GLTP: variants seen among roughly 807,000 people sequenced by gnomAD.
GLTP encodes glycolipid transfer protein.
GLTP carries 22 observed loss-of-function variants against 24.0 expected under a neutral mutation model. The ratio of observed to expected loss-of-function variants is 0.92; its 90% CI spans 0.65 to 1.31. The LOEUF is 1.31. Among genes scored for constraint, GLTP ranks in the 50% most tolerant of loss-of-function variants. GLTP has a pLI of 0.00. For missense variants in GLTP, 224 were observed against 276.6 expected, an observed-to-expected ratio of 0.81 and a Z score of 1.35; for synonymous variants, 92 against 115.9, an observed-to-expected ratio of 0.79 and a Z score of 1.33.
chr12:109,857,117 G>A lies in GLTP; in HGVS notation c.296+409C>T, dbSNP rs920201038. ...TAACATACAAATCCACTTTGTACGC[G>A]TGACCAGCCCTAAACAGGACACCTT... On this transcript the variant is annotated intron_variant, in intron 3 of 4. Transcript: ENST00000318348. The surrounding 1 kb of genome is among the most constrained non-coding windows in gnomAD (Gnocchi z 4.3). Among the ~76,000 whole-genome samples, 13 of 152,188 alleles carry A rather than the reference G, an allele frequency of 8.5e-5. No individual in the cohort carries two copies. Among genetic ancestry groups the A allele is most frequent in the African/African-American group, 2.2e-4 (9 of 41,446 alleles).
At chr12:109,874,563 A>G (rs531496425) in intron 1 of GLTP, among the ~76,000 whole-genome samples, 1 of 152,264 alleles carries the variant, frequency 6.6e-6, no homozygotes, top group Admixed American at 6.5e-5. Context: ...GACTCTCCCT[A>G]AACAGTGAGA....
chr12:109,869,324 AGAAAGAAAG>A (rs1868644914), intron 1 of GLTP, among the ~76,000 whole-genome samples: 1 of 148,732 alleles, frequency 6.7e-6, no homozygotes, highest in African/African-American at 2.5e-5. Flanking sequence ...AAAAAAAGAA[AGAAAGAAAG>A]AAAGAAAGAG....
At chr12:109,877,165 T>C (rs1353508554) in intron 1 of GLTP, among the ~76,000 whole-genome samples, 1 of 152,152 alleles carries the variant, frequency 6.6e-6, no homozygotes, top group African/African-American at 2.4e-5. Flanking sequence ...TACTTTTTTT[T>C]CCCCAAAAAG....
chr12:109,858,713 G>A lies in GLTP; in HGVS notation c.132C>T (p.Pro44=), dbSNP rs1447711911. 1.2e-6 allele frequency: 2 copies of A among 1,612,424 alleles called. No individual in the cohort carries two copies. The highest frequency in any genetic ancestry group is 4.5e-5 in the East Asian group (2 of 44,868). Residue 44 remains proline, a synonymous_variant, in exon 2 of 5, where the codon CCC becomes CCT. Coordinates refer to ENST00000318348, the MANE Select transcript of GLTP (RefSeq NM_016433.4). ...TGTTGCCGCTTATGTCTGCCTTGAT[G>A]GGAGTAAACACTGGGGACCCAAGGC... ...FDCLGSPVFT[P]IKADISGNIT...
At chr12:109,854,342 A>G (rs1327010440) in intron 4 of GLTP, among the ~76,000 whole-genome samples, 2 of 142,396 alleles carry the variant, frequency 1.4e-5, no homozygotes, top group East Asian at 4.0e-4. Context: ...CCTGGGCGAC[A>G]GCGACAGAGT....
Position 109,855,461 on chromosome 12 carries a change from C to G in GLTP, c.447+158G>C, listed in dbSNP as rs1257886560. 6.6e-6 allele frequency among the ~76,000 whole-genome samples: 1 copy of G among 152,122 alleles called. No individual in the cohort carries two copies. The highest frequency in any genetic ancestry group is 1.5e-5 in the Non-Finnish European group (1 of 68,016). On this transcript the variant is annotated intron_variant, in intron 4 of 4. Transcript: ENST00000318348. This position sits in a 1 kb window ranked among gnomAD's most constrained non-coding sequence, Gnocchi z 4.1. ...CCAAGGGCACGGGAGGGGGACCTCT[C>G]AGTACACTAGCCTCACCCAAATAGA...
At chr12:109,862,377 A>C (rs1868390071) in intron 1 of GLTP, among the ~76,000 whole-genome samples, 1 of 152,094 alleles carries the variant, frequency 6.6e-6, no homozygotes, top group Admixed American at 6.5e-5. Context: ...GCCTCTCTGA[A>C]AGGACCGTGC....
intron 1 of GLTP, among the ~76,000 whole-genome samples, chr12:109,867,913 G>T (rs183860508): frequency 1.1e-4 from 16 of 152,098 alleles, no homozygotes; most frequent in Non-Finnish European, 2.2e-4. Flanking sequence ...GAGTAGCTGG[G>T]ACTACAGGTG....
rs982463349 is a variant in GLTP, at chr12:109,880,512, C to A, written c.-138G>T. ...GGGGACGCCAGCGTCGCCACTTCCGCCCGCACGGCGCCCTCGTAGCCGAGC... is the reference window on the plus strand; with the variant it reads ...GGGGACGCCAGCGTCGCCACTTCCGACCGCACGGCGCCCTCGTAGCCGAGC... On this transcript the variant is annotated 5_prime_UTR_variant, in exon 1 of 5. Transcript: ENST00000318348. This position sits in a 1 kb window ranked among gnomAD's most constrained non-coding sequence, Gnocchi z 5.1. 5.2e-6 allele frequency: 1 copy of A among 193,184 alleles called. No homozygotes were observed. The highest frequency in any genetic ancestry group is 2.4e-5 in the African/African-American group (1 of 41,996). 12.0% of individuals were successfully genotyped at this position (193,184 alleles called of 1,614,324 possible).
intron 1 of GLTP, among the ~76,000 whole-genome samples, chr12:109,862,028 G>T (rs1364423918): frequency 1.3e-5 from 2 of 152,212 alleles, no homozygotes; most frequent in Non-Finnish European, 2.9e-5. Context: ...CGGGCATGCT[G>T]TCGTCATGCT....
chr12:109,870,603 T>C (rs961234998), intron 1 of GLTP, among the ~76,000 whole-genome samples: 1 of 152,016 alleles, frequency 6.6e-6, no homozygotes, highest in African/African-American at 2.4e-5. Context: ...CAGAAAACAA[T>C]TATTCCAATG....
chr12:109,851,860 T>G lies in GLTP; in HGVS notation c.*695A>C, dbSNP rs2136760521. On this transcript the variant is annotated 3_prime_UTR_variant, in exon 5 of 5. Transcript: ENST00000318348. The stretch of plus-strand genomic sequence containing the variant: ...GTAATCCACCCACCTCTTTTTTTTT[T>G]TTTTGAGACAGAGTTTCGCTCTTGT... 6.6e-6 allele frequency: 1 copy of G among 151,904 alleles called. No homozygotes were observed. The highest frequency in any genetic ancestry group is 6.6e-5 in the Admixed American group (1 of 15,182). The allele number at this position is 151,904 out of a possible 1,614,324, so 9.4% of individuals were successfully genotyped here.
intron 1 of GLTP, among the ~76,000 whole-genome samples, chr12:109,873,399 C>A (rs1868787956): frequency 6.6e-6 from 1 of 152,068 alleles, no homozygotes; most frequent in African/African-American, 2.4e-5. Context: ...CTTTGGGAGG[C>A]TGACGTGGGT....
chr12:109,852,583 A>T lies in GLTP; in HGVS notation c.602T>A (p.Met201Lys). Residue 201 changes from methionine to lysine, a missense_variant, in exon 5 of 5, where the codon ATG becomes AAG. By Grantham distance (95) the Met-to-Lys change is moderately conservative (BLOSUM62 -1). Transcript: ENST00000318348. ...IDVIYEMYTQ[M>K]NAELNYKV ...CACCTTGTAGTTAAGCTCAGCGTTC[A>T]TCTGGGTGTACATCTCGTAGATGAC... The T allele has an allele frequency of 6.2e-7, 1 of 1,611,292 alleles. No homozygotes were observed. Among genetic ancestry groups the T allele is most frequent in the Non-Finnish European group, 8.5e-7 (1 of 1,177,530 alleles).
chr12:109,876,654 A>G (rs1192496482), intron 1 of GLTP, among the ~76,000 whole-genome samples: 1 of 148,522 alleles, frequency 6.7e-6, no homozygotes, highest in Non-Finnish European at 1.5e-5. Flanking sequence ...GAAGGAAAGG[A>G]AGGAAAGAAA....
At position 109,857,774 on chromosome 12, in the gene GLTP, G is replaced by A. The variant is rs1892818666; in HGVS notation, c.163-115C>T. 4 of 1,005,162 alleles carry A rather than the reference G, an allele frequency of 4.0e-6. No individual in the cohort carries two copies. Among genetic ancestry groups the A allele is most frequent in the Non-Finnish European group, 4.7e-6 (3 of 635,728 alleles). 62.3% of individuals were successfully genotyped at this position (1,005,162 alleles called of 1,614,324 possible). ...TCTCCTGCTCCTTCCTGCCCTCCAG[G>A]AACAGCAGGGATAAGACTTGTAACA... On this transcript the variant is annotated intron_variant, in intron 2 of 4. Coordinates refer to ENST00000318348, the MANE Select transcript of GLTP (RefSeq NM_016433.4). The surrounding 1 kb of genome is among the most constrained non-coding windows in gnomAD (Gnocchi z 4.3).
intron 1 of GLTP, among the ~76,000 whole-genome samples, chr12:109,862,179 G>A (rs11068664): frequency 0.02 from 3,119 of 152,188 alleles, 99 homozygotes; most frequent in African/African-American, 0.071. Flanking sequence ...CCAGGGGTGC[G>A]GGCAAAGAAT....
In GLTP at chr12:109,852,040, G is replaced by A. The variant is rs1181650474; in HGVS notation, c.*515C>T. 1 of 152,150 alleles carries A rather than the reference G, an allele frequency of 6.6e-6. No individual in the cohort carries two copies. The highest frequency in any genetic ancestry group is 2.4e-5 in the African/African-American group (1 of 41,350). The allele number at this position is 152,150 out of a possible 1,614,324, so 9.4% of individuals were successfully genotyped here. A position where few individuals can be genotyped will look rare whatever the true frequency, so the allele number is the denominator to read the frequency against. On this transcript the variant is annotated 3_prime_UTR_variant, in exon 5 of 5. Coordinates refer to ENST00000318348, the MANE Select transcript of GLTP (RefSeq NM_016433.4). ...TTTTTTATATTTTTAGTAGCGATGGGGTTTCACCATGTTGGCCAGGCTGGT... is the reference window on the plus strand; with the variant it reads ...TTTTTTATATTTTTAGTAGCGATGGAGTTTCACCATGTTGGCCAGGCTGGT...
At chr12:109,877,796 G>C (rs1438433385) in intron 1 of GLTP, among the ~76,000 whole-genome samples, 1 of 152,152 alleles carries the variant, frequency 6.6e-6, no homozygotes, top group Non-Finnish European at 1.5e-5. Flanking sequence ...GCCGACAAAT[G>C]ATCTTGATCA....
Sources: allele counts gnomAD v4.1 joint callset (sites outside exome capture counted in the v4.1 genomes callset), GRCh38; gene constraint gnomAD v4.1.1; non-coding constraint Gnocchi (gnomAD v3.1); transcripts MANE v1.5; gene names NCBI Gene and HGNC (gene_info 2026-07-23, HGNC 2026-07-21).